The following TNNT3 variants were observed in gnomAD, a reference collection of about 807,000 sequenced individuals.
TNNT3 encodes troponin T, fast skeletal muscle.
Under a neutral mutation model 54.2 loss-of-function variants are expected in TNNT3, and 36 were observed. The observed-to-expected ratio is 0.66, with a 90% CI of 0.51 to 0.88. The LOEUF is 0.88. Ranked by LOEUF, TNNT3 falls within the 40% of genes least tolerant of loss-of-function variation. TNNT3 has a pLI of 0.00. For synonymous variants in TNNT3, 120 were observed against 109.7 expected (o/e 1.09, Z -0.59); for missense variants, 291 against 331.6 (o/e 0.88, Z 0.95).
chr11:1,937,402 G>A (rs7127650), intron 15 of TNNT3, among the ~76,000 whole-genome samples: 1 of 152,190 alleles, frequency 6.6e-6, no homozygotes, highest in Non-Finnish European at 1.5e-5. Flanking sequence ...GGGGACCTAG[G>A]ACAGGGAATT....
At chr11:1,936,393 C>T in intron 14 of TNNT3, 1 of 959,018 alleles carries the variant, frequency 1.0e-6, no homozygotes, top group Non-Finnish European at 1.6e-6. Context: ...CCCCCGCTCT[C>T]CCCTCGTGCC....
chr11:1,933,994 C>A lies in TNNT3; in HGVS notation c.352C>A (p.Gln118Lys). 2 of 1,612,390 alleles carry A rather than the reference C, an allele frequency of 1.2e-6. No individual in the cohort carries two copies. The highest frequency in any genetic ancestry group is 1.1e-5 in the South Asian group (1 of 91,062). The change falls in exon 11 of 16, where the codon CAG becomes AAG. Residue 118 changes from glutamine (Q) to lysine (K), a missense_variant. By Grantham distance (53) the Gln-to-Lys change is moderately conservative. Coordinates refer to ENST00000278317, the MANE Select transcript of TNNT3 (RefSeq NM_006757.4). ...TCGTGCAGAGAAGGAGAGGGAGCGC[C>A]AGAACAGACTGGCGGTGAGGGCACC... ...RIRAEKERER[Q>K]NRLAEEKARR...
chr11:1,934,113 G>A, intron 11 of TNNT3, 105 bp downstream of exon 11: 1 of 1,331,462 alleles, frequency 7.5e-7, no homozygotes, highest in Non-Finnish European at 1.1e-6. Context: ...CATTGTCATT[G>A]GCCAATGATC....
Position 1,924,225 on chromosome 11 carries a change from C to G in TNNT3, c.49+653C>G, listed in dbSNP as rs555759559. On this transcript the variant is annotated intron_variant, in intron 4 of 15. Transcript: ENST00000278317. ...GTCTCCATCCCTCCATGCCACCCCC[C>G]AACCCTGTGCTGTAACCCTGGGTGG... is the stretch of plus-strand genomic sequence containing the variant. Among the ~76,000 whole-genome samples, 7 of 152,302 alleles carry G rather than the reference C, an allele frequency of 4.6e-5. No homozygotes were observed. In the East Asian group the frequency reaches 1.4e-3, roughly 29 times the overall value.
chr11:1,926,447 C>T (rs756689096), intron 5 of TNNT3: 15 of 1,613,208 alleles, frequency 9.3e-6, no homozygotes, highest in Middle Eastern at 3.3e-4. Flanking sequence ...CCTCTTGTTC[C>T]GTGGCCTCCT....
intron 14 of TNNT3, chr11:1,935,665 T>C (rs1854788774): frequency 5.7e-6 from 1 of 175,222 alleles, no homozygotes; most frequent in Non-Finnish European, 1.2e-5. Context: ...GTGATCCACG[T>C]GCTCGGGGCA....
intron 15 of TNNT3, 142 bp downstream of exon 15, chr11:1,937,145 C>T (rs1196708862): frequency 3.4e-6 from 3 of 887,634 alleles, no homozygotes; most frequent in Middle Eastern, 3.2e-4. Flanking sequence ...CCACCCAGGC[C>T]AGCATGCGCA....
chr11:1,930,368 T>C (rs1853025955), intron 8 of TNNT3, among the ~76,000 whole-genome samples: 1 of 151,998 alleles, frequency 6.6e-6, no homozygotes, highest in Admixed American at 6.6e-5. Context: ...TGGAGAAAGG[T>C]GGGGGACTCA....
chr11:1,921,018 T>C (rs1363141324), intron 1 of TNNT3, among the ~76,000 whole-genome samples: 2 of 151,918 alleles, frequency 1.3e-5, no homozygotes, highest in Non-Finnish European at 2.9e-5. Context: ...CCTGAGGGTG[T>C]TGGGGCACCC....
intron 9 of TNNT3, among the ~76,000 whole-genome samples, chr11:1,933,247 A>C (rs1404908447): frequency 1.3e-5 from 2 of 149,920 alleles, no homozygotes; most frequent in Non-Finnish European, 3.0e-5. Context: ...CCATCCATTC[A>C]TCCATCCATC....
rs1400511688 is a variant in TNNT3 at position 1,929,152 on chromosome 11, C to T, written c.106+9C>T. ...AGAGGAGGACGCGGAAGGTAAGGGC[C>T]CGTCCCTGCCGCCGGAGGTGCAGGA... On this transcript the variant is annotated intron_variant, in intron 7 of 15. Transcript: ENST00000278317. The T allele has an allele frequency of 3.7e-6, 6 of 1,612,684 alleles. No individual in the cohort carries two copies. In the Admixed American group the frequency reaches 8.3e-5, roughly 22 times the overall value.
rs567387221 is a variant in TNNT3 at position 1,935,954 on chromosome 11, G to A, written c.682-1009G>A. Among the ~76,000 whole-genome samples the A allele has an allele frequency of 2.0e-5, 3 of 152,310 alleles. No homozygotes were observed. In the South Asian group the frequency reaches 6.2e-4, roughly 32 times the overall value. On this transcript the variant is annotated intron_variant, in intron 14 of 15. Transcript: ENST00000278317. Reference sequence around the variant, plus strand: ...CTGTCCCCAGGGGGTCCAGGCATGAGGGACAGCCCTGACCTCACCCTTGGG... The same window carrying A: ...CTGTCCCCAGGGGGTCCAGGCATGAAGGACAGCCCTGACCTCACCCTTGGG...
rs1318586852 is a variant in TNNT3, at chr11:1,934,436, C to T, written c.471C>T (p.Tyr157=). Residue 157 remains tyrosine, a synonymous_variant, in exon 12 of 16, where the codon TAC becomes TAT. Transcript: ENST00000278317. ...LSSMGANYSS[Y]LAKADQKRGK... Reference sequence around the variant, plus strand: ...CCATGGGAGCCAACTACAGCAGCTACCTGGCCAAGGTGTGTGCCGCTGCTG... The same window carrying T: ...CCATGGGAGCCAACTACAGCAGCTATCTGGCCAAGGTGTGTGCCGCTGCTG... 5 of 1,613,612 alleles carry T rather than the reference C, an allele frequency of 3.1e-6. No individual in the cohort carries two copies. In the African/African-American group the frequency reaches 6.7e-5, roughly 21 times the overall value.
intron 5 of TNNT3, among the ~76,000 whole-genome samples, chr11:1,925,595 C>G (rs1444975599): frequency 6.6e-6 from 1 of 152,082 alleles, no homozygotes; most frequent in African/African-American, 2.4e-5. Context: ...TAGGCCCACC[C>G]TAGTCCTCCA....
chr11:1,937,787 G>A (rs1383412411), intron 15 of TNNT3, among the ~76,000 whole-genome samples: 1 of 152,220 alleles, frequency 6.6e-6, no homozygotes, highest in Non-Finnish European at 1.5e-5. Context: ...GCCGTCAGGG[G>A]TCATTGCAGA....
In TNNT3 at chr11:1,938,537, G is replaced by T. The variant is rs1855814090; in HGVS notation, c.*45G>T. ...CGAGGCAGAGACCCTCCGCCCTCTT[G>T]CACACCAGGGCCGCTCGTGGGACTC... On this transcript the variant is annotated 3_prime_UTR_variant, in exon 16 of 16. Coordinates refer to ENST00000278317, the MANE Select transcript of TNNT3 (RefSeq NM_006757.4). The T allele has an allele frequency of 6.3e-7, 1 of 1,590,114 alleles. No individual in the cohort carries two copies. The highest frequency in any genetic ancestry group is 8.6e-7 in the Non-Finnish European group (1 of 1,160,570).
intron 4 of TNNT3, among the ~76,000 whole-genome samples, chr11:1,923,826 T>C (rs2133256723): frequency 6.6e-6 from 1 of 152,224 alleles, no homozygotes; most frequent in East Asian, 1.9e-4. Context: ...CTTTAATCGA[T>C]TAATATGCAT....
At chr11:1,929,311 G>A (rs902624973) in intron 7 of TNNT3, among the ~76,000 whole-genome samples, 168 bp downstream of exon 7, 1 of 152,194 alleles carries the variant, frequency 6.6e-6, no homozygotes, top group African/African-American at 2.4e-5. Flanking sequence ...GCTCCGCACG[G>A]TGCCGCTGGG....
intron 4 of TNNT3, 132 bp downstream of exon 4, chr11:1,923,704 T>A: frequency 1.4e-6 from 1 of 693,858 alleles, no homozygotes; most frequent in East Asian, 2.8e-5. Context: ...CAACCTTCCA[T>A]CTTCCTCATC....
Sources: gnomAD v4.1 joint callset for allele counts (sites outside exome capture counted in the v4.1 genomes callset) on GRCh38, gnomAD v4.1.1 for gene constraint, MANE v1.5 for transcripts, NCBI Gene and HGNC (gene_info 2026-07-23, HGNC 2026-07-21) for gene names.